The following ARL15 variants were observed in gnomAD, a reference collection of about 807,000 sequenced individuals.
The protein encoded by ARL15 is ARF like GTPase 15, also known as ADP-ribosylation factor-like protein 15.
Under a neutral mutation model 25.2 loss-of-function variants are expected in ARL15, and 19 were observed. The observed-to-expected ratio is 0.75, with a 90% confidence interval of 0.53 to 1.10. The LOEUF (loss-of-function observed/expected upper bound fraction) is 1.10. ARL15 is among the 50% of genes least tolerant of loss of function. ARL15 has a pLI of 0.00. For missense variants in ARL15, 220 were observed against 246.0 expected (o/e 0.89, Z 0.71); for synonymous variants, 94 against 86.8 (o/e 1.08, Z -0.46).
intron 4 of ARL15, among the ~76,000 whole-genome samples, chr5:53,999,584 T>A (rs1748789307): frequency 6.6e-6 from 1 of 151,000 alleles, no homozygotes; most frequent in Admixed American, 6.6e-5. Context: ...AGAGTGAAAC[T>A]TCATTTCAAA....
At chr5:54,242,543 A>C (rs1561280554) in intron 1 of ARL15, among the ~76,000 whole-genome samples, 1 of 152,030 alleles carries the variant, frequency 6.6e-6, no homozygotes, top group Non-Finnish European at 1.5e-5. Context: ...AGGAAATGAG[A>C]CTCTAGAATA....
intron 3 of ARL15, among the ~76,000 whole-genome samples, chr5:54,139,162 G>T (rs1229960382): frequency 1.3e-5 from 2 of 152,032 alleles, no homozygotes; most frequent in Admixed American, 1.3e-4. Context: ...CCCACTACTA[G>T]GTATCTACCT....
intron 1 of ARL15, among the ~76,000 whole-genome samples, chr5:54,231,011 T>G (rs1280721553): frequency 6.6e-6 from 1 of 152,106 alleles, no homozygotes; most frequent in Non-Finnish European, 1.5e-5. Context: ...GTAGCCCATT[T>G]CTCTCTCCTG....
intron 4 of ARL15, among the ~76,000 whole-genome samples, chr5:54,032,429 T>G (rs1750022070): frequency 6.6e-6 from 1 of 152,046 alleles, no homozygotes; most frequent in African/African-American, 2.4e-5. Context: ...CAGACAGGGT[T>G]TCATCATGTT....
At chr5:54,054,816 A>G (rs1750811828) in intron 4 of ARL15, among the ~76,000 whole-genome samples, 1 of 151,960 alleles carries the variant, frequency 6.6e-6, no homozygotes, top group Admixed American at 6.6e-5. Context: ...ACTAGATGAG[A>G]AAAGGTAAAG....
At chr5:53,963,766 C>A (rs1252912321) in intron 4 of ARL15, among the ~76,000 whole-genome samples, 2 of 149,412 alleles carry the variant, frequency 1.3e-5, no homozygotes, top group Non-Finnish European at 3.0e-5. Context: ...CAAAATTGTG[C>A]CATTGCATTC....
intron 4 of ARL15, among the ~76,000 whole-genome samples, chr5:54,008,571 C>T (rs1541682): frequency 0.15 from 22,408 of 152,164 alleles, 2,005 homozygotes; most frequent in East Asian, 0.45. Flanking sequence ...TTTCTCTTTA[C>T]ACTGGCTTGT....
At position 54,285,869 on chromosome 5, in the gene ARL15, G is replaced by C. The variant is rs560207185; in HGVS notation, c.48+24563C>G. ...ATAAATGGAGGATACAGAGAGTGAC[G>C]ACCCGTTCCAAGGTACATGGGAACG... On this transcript the variant is annotated intron_variant, in intron 1 of 4. Transcript: ENST00000504924. Among the ~76,000 whole-genome samples, 4 of 152,212 alleles carry C rather than the reference G, an allele frequency of 2.6e-5. No individual in the cohort carries two copies. In the South Asian group the frequency reaches 6.2e-4, roughly 24 times the overall value.
At chr5:54,202,540 G>A (rs1426569853) in intron 1 of ARL15, among the ~76,000 whole-genome samples, 3 of 152,098 alleles carry the variant, frequency 2.0e-5, no homozygotes, top group African/African-American at 7.2e-5. Context: ...TCCTCTAAAG[G>A]AATGCAGCCT....
intron 4 of ARL15, among the ~76,000 whole-genome samples, chr5:53,961,246 T>C (rs1242430196): frequency 6.6e-6 from 1 of 151,810 alleles, no homozygotes; most frequent in East Asian, 1.9e-4. Flanking sequence ...CAACAAAAAA[T>C]TATTTCCTTG....
At chr5:54,310,073 C>T (rs1758854989) in intron 1 of ARL15, among the ~76,000 whole-genome samples, 2 of 152,220 alleles carry the variant, frequency 1.3e-5, no homozygotes, top group South Asian at 4.1e-4. Flanking sequence ...GAGAGGAAAA[C>T]TCCTGCTCCC....
chr5:54,163,753 C>A (rs1050112930), intron 2 of ARL15, among the ~76,000 whole-genome samples: 1 of 151,792 alleles, frequency 6.6e-6, no homozygotes, highest in Non-Finnish European at 1.5e-5. Context: ...ATTGATGTCA[C>A]CTTTCTTATT....
At chr5:54,006,409 C>T (rs1359592021) in intron 4 of ARL15, among the ~76,000 whole-genome samples, 4 of 149,910 alleles carry the variant, frequency 2.7e-5, no homozygotes, top group African/African-American at 9.8e-5. Flanking sequence ...TGTGTAAATA[C>T]ATATGCACAA....
At chr5:54,006,380 G>A (rs1346256310) in intron 4 of ARL15, among the ~76,000 whole-genome samples, 1 of 151,740 alleles carries the variant, frequency 6.6e-6, no homozygotes, top group East Asian at 1.9e-4. Flanking sequence ...TATTGAGACC[G>A]AGTACACATG....
chr5:54,025,685 C>G (rs1401304590), intron 4 of ARL15, among the ~76,000 whole-genome samples: 1 of 147,496 alleles, frequency 6.8e-6, no homozygotes, highest in Non-Finnish European at 1.5e-5. Flanking sequence ...TTGTTTGTTT[C>G]GGTAATTACA....
chr5:54,119,411 G>A (rs186700784), intron 3 of ARL15, among the ~76,000 whole-genome samples: 46 of 152,002 alleles, frequency 3.0e-4, no homozygotes, highest in Non-Finnish European at 4.4e-4. Flanking sequence ...TTTCCTAGCC[G>A]TACCGAGCCA....
In ARL15 at chr5:54,171,944, GA is replaced by G. The variant is rs753565009; in HGVS notation, c.49-17del. On this transcript the variant is annotated splice_polypyrimidine_tract_variant and intron_variant, in intron 1 of 4. Transcript: ENST00000504924. ...CTCTAAAACACTGCCAAAAGAAGGG[GA>G]AAAAAATGTTCCTTTAAATGACAGT... The G allele has an allele frequency of 1.0e-4, 161 of 1,594,474 alleles. 1 individual carries two copies. The highest frequency in any genetic ancestry group is 1.4e-4 in the Admixed American group (8 of 56,818).
chr5:54,295,231 CATA>C (rs1200937474), intron 1 of ARL15, among the ~76,000 whole-genome samples: 1 of 152,076 alleles, frequency 6.6e-6, no homozygotes, highest in Admixed American at 6.6e-5. Context: ...ATTAAGTACA[CATA>C]ATTATTTATG....
intron 4 of ARL15, among the ~76,000 whole-genome samples, chr5:53,971,979 G>T (rs1250254317): frequency 6.6e-6 from 1 of 152,138 alleles, no homozygotes; most frequent in African/African-American, 2.4e-5. Context: ...CATGGTATTT[G>T]GGATTGGCTT....
Sources: allele counts gnomAD v4.1 joint callset (sites outside exome capture counted in the v4.1 genomes callset), GRCh38; gene constraint gnomAD v4.1.1; transcripts MANE v1.5; gene names NCBI Gene and HGNC (gene_info 2026-07-23, HGNC 2026-07-21).